MAT1A: variants seen among roughly 807,000 people sequenced by gnomAD.
MAT1A encodes S-adenosylmethionine synthase isoform type-1.
MAT1A carries 19 observed loss-of-function variants against 44.0 expected under a neutral mutation model. That is an observed-to-expected ratio of 0.43 (90% confidence interval 0.30 to 0.63). The LOEUF (loss-of-function observed/expected upper bound fraction) is 0.63, where lower values mean the gene tolerates loss of function less well. Among genes scored for constraint, MAT1A ranks in the 30% least tolerant of loss-of-function variants. The pLI, the probability that MAT1A is intolerant of heterozygous loss-of-function variation, is 0.12. For missense variants in MAT1A, 397 were observed against 531.0 expected (o/e 0.75, Z 2.48); for synonymous variants, 205 against 205.6 (o/e 1.00, Z 0.03).
chr10:80,273,398 A>G lies in MAT1A; in HGVS notation c.*383T>C. On this transcript the variant is annotated 3_prime_UTR_variant, in exon 9 of 9. Coordinates refer to ENST00000372213, the MANE Select transcript of MAT1A (RefSeq NM_000429.3). ...GAGCCCAGGCCCACAAGGAGCCCTG[A>G]GGCCTGTTGAGATGTGCTGACCTCA... is the stretch of plus-strand genomic sequence containing the variant. The G allele has an allele frequency of 3.4e-6, 1 of 297,570 alleles. No homozygotes were observed. The highest frequency in any genetic ancestry group is 3.3e-5 in the South Asian group (1 of 30,470). 18.4% of individuals were successfully genotyped at this position (297,570 alleles called of 1,614,324 possible).
intron 1 of MAT1A, among the ~76,000 whole-genome samples, chr10:80,288,446 C>A (rs926424663): frequency 6.1e-4 from 93 of 152,194 alleles, no homozygotes; most frequent in African/African-American, 2.2e-3. Context: ...GTTTGAGAAC[C>A]ACTGTCCTAC....
At chr10:80,275,947 T>G (rs1841479191) in intron 6 of MAT1A, among the ~76,000 whole-genome samples, 1 of 152,216 alleles carries the variant, frequency 6.6e-6, no homozygotes, top group Non-Finnish European at 1.5e-5. Flanking sequence ...TAAAACACCC[T>G]GTCCCACTCT....
chr10:80,287,306 C>T (rs1841661762), intron 1 of MAT1A, among the ~76,000 whole-genome samples: 1 of 152,184 alleles, frequency 6.6e-6, no homozygotes, highest in South Asian at 2.1e-4. Flanking sequence ...TTTGTTTTGG[C>T]TTTCAAAATT....
At chr10:80,281,561 CTG>C (rs558118672) in intron 3 of MAT1A, among the ~76,000 whole-genome samples, 78 of 152,154 alleles carry the variant, frequency 5.1e-4, no homozygotes, top group African/African-American at 1.9e-3. Flanking sequence ...GTCACAGGGA[CTG>C]TGAGAATAAG....
Position 80,289,319 on chromosome 10 carries a change from G to A in MAT1A, c.91+14C>T. ...AATGATCGTTTTCCAGTCAGTCCAA[G>A]ACAGCCTACTTACCCGGGTGTCCCT... On this transcript the variant is annotated intron_variant, in intron 1 of 8. Coordinates refer to ENST00000372213, the MANE Select transcript of MAT1A (RefSeq NM_000429.3). 2 of 1,610,480 alleles carry A rather than the reference G, an allele frequency of 1.2e-6. No homozygotes were observed. Among genetic ancestry groups the A allele is most frequent in the South Asian group, 1.1e-5 (1 of 91,006 alleles).
intron 1 of MAT1A, among the ~76,000 whole-genome samples, chr10:80,287,021 T>C (rs1841658873): frequency 1.3e-5 from 2 of 152,238 alleles, no homozygotes; most frequent in East Asian, 3.8e-4. Flanking sequence ...CCTTAGCCTC[T>C]ACACACTTCT....
In MAT1A at chr10:80,273,689, T is replaced by C. The variant is rs1388266216; in HGVS notation, c.*92A>G. On this transcript the variant is annotated 3_prime_UTR_variant, in exon 9 of 9. Coordinates refer to ENST00000372213, the MANE Select transcript of MAT1A (RefSeq NM_000429.3). ...TGGCTTTGCCCTGAGGGTTGGTGGGTGGGGAAGGCGATCAGCAGCCAGGCG... is the reference window on the plus strand; with the variant it reads ...TGGCTTTGCCCTGAGGGTTGGTGGGCGGGGAAGGCGATCAGCAGCCAGGCG... 9.9e-6 allele frequency: 9 copies of C among 912,602 alleles called. No individual in the cohort carries two copies. The Admixed American group carries it at 1.5e-4, about 15-fold the overall frequency. 56.5% of individuals were successfully genotyped at this position (912,602 alleles called of 1,614,324 possible).
rs1841556570 is a variant in MAT1A, at chr10:80,280,785, G to C, written c.300C>G (p.Asp100Glu). The C allele has an allele frequency of 6.2e-7, 1 of 1,613,868 alleles. No individual in the cohort carries two copies. The highest frequency in any genetic ancestry group is 1.3e-5 in the African/African-American group (1 of 75,038). Reference sequence around the variant, plus strand: ...CCACCAGCACGTTGCAAGTCTTGAAGTCAAAGCCTAGGCGGAAGCAAAGTG... The same window carrying C: ...CCACCAGCACGTTGCAAGTCTTGAACTCAAAGCCTAGGCGGAAGCAAAGTG... ...IGYDDSAKGF[D>E]FKTCNVLVAL... The change falls in exon 4 of 9, where the codon GAC becomes GAG. Residue 100 changes from aspartate (D) to glutamate (E), a missense_variant. Physicochemically the swap from Asp to Glu is conservative, Grantham distance 45. Coordinates refer to ENST00000372213, the MANE Select transcript of MAT1A (RefSeq NM_000429.3).
rs1288162894 is a variant in MAT1A at position 80,273,706 on chromosome 10, A to G, written c.*75T>C. 4 of 1,068,576 alleles carry G rather than the reference A, an allele frequency of 3.7e-6. No homozygotes were observed. The highest frequency in any genetic ancestry group is 4.4e-6 in the Non-Finnish European group (3 of 685,036). 66.2% of individuals were successfully genotyped at this position (1,068,576 alleles called of 1,614,324 possible). A position where few individuals can be genotyped will look rare whatever the true frequency, so the allele number is the denominator to read the frequency against. ...TTGGTGGGTGGGGAAGGCGATCAGC[A>G]GCCAGGCGTCTGGGGAAGAGGAGCA... On this transcript the variant is annotated 3_prime_UTR_variant, in exon 9 of 9. Coordinates refer to ENST00000372213, the MANE Select transcript of MAT1A (RefSeq NM_000429.3).
rs1841555750 is a variant in MAT1A, at chr10:80,280,732, G to C, written c.353C>G (p.Ala118Gly). Residue 118 changes from alanine (A) to glycine (G), a missense_variant, in exon 4 of 9, where the codon GCC becomes GGC. Transcript: ENST00000372213. ...ATTTCTGTCCAGATGGACGCACTGG[G>C]CAATATCTGGGGATTGCTGCTCCAA... ...VALEQQSPDI[A>G]QCVHLDRNEE... 1 of 1,614,044 alleles carries C rather than the reference G, an allele frequency of 6.2e-7. No homozygotes were observed. The highest frequency in any genetic ancestry group is 1.3e-5 in the African/African-American group (1 of 74,918).
intron 2 of MAT1A, among the ~76,000 whole-genome samples, chr10:80,284,402 C>T (rs1841614055): frequency 6.6e-6 from 1 of 152,118 alleles, no homozygotes; most frequent in Non-Finnish European, 1.5e-5. Flanking sequence ...ACACATGTGA[C>T]CCCCCATCCC....
In MAT1A at chr10:80,275,143, C is replaced by A. The variant is rs1841468995; in HGVS notation, c.825G>T (p.Gly275=). The A allele has an allele frequency of 6.2e-7, 1 of 1,613,070 alleles. No individual in the cohort carries two copies. Among genetic ancestry groups the A allele is most frequent in the Non-Finnish European group, 8.5e-7 (1 of 1,179,738 alleles). The stretch of plus-strand genomic sequence containing the variant: ...CAGAGAAGGCCCCACCACCATGAGC[C>A]CCCCAGCCGCCATAGGTGTCCACAA... ...KIIVDTYGGW[G]AHGGGAFSGK... is the part of the protein sequence containing the mutation. Residue 275 remains glycine (G), a synonymous_variant, in exon 7 of 9, where the codon GGG becomes GGT. Coordinates refer to ENST00000372213, the MANE Select transcript of MAT1A (RefSeq NM_000429.3).
At chr10:80,286,095 C>T (rs549557986) in intron 1 of MAT1A, among the ~76,000 whole-genome samples, 4 of 152,260 alleles carry the variant, frequency 2.6e-5, no homozygotes, top group African/African-American at 9.6e-5. Flanking sequence ...TCTGAAAGTG[C>T]TGGGATTACA....
intron 3 of MAT1A, among the ~76,000 whole-genome samples, chr10:80,282,462 T>C (rs1394593576): frequency 6.6e-6 from 1 of 152,208 alleles, no homozygotes; most frequent in Non-Finnish European, 1.5e-5. Context: ...CTAGGGAACA[T>C]TGCCTCCTGG....
chr10:80,273,981 C>T (rs1405437965), intron 8 of MAT1A, 98 bp from the exon 9 acceptor site: 17 of 862,000 alleles, frequency 2.0e-5, no homozygotes, highest in Middle Eastern at 5.3e-4. Flanking sequence ...AACTGTAACA[C>T]AGCCCTCCTC....
intron 3 of MAT1A, among the ~76,000 whole-genome samples, chr10:80,283,491 TCA>T (rs1006330581): frequency 6.6e-6 from 1 of 152,252 alleles, no homozygotes; most frequent in African/African-American, 2.4e-5. Context: ...CCCTGTGATC[TCA>T]CACAGACTGT....
chr10:80,286,096 T>C (rs1366846862), intron 1 of MAT1A, among the ~76,000 whole-genome samples: 7 of 152,198 alleles, frequency 4.6e-5, no homozygotes, highest in Admixed American at 2.6e-4. Flanking sequence ...CTGAAAGTGC[T>C]GGGATTACAG....
intron 1 of MAT1A, among the ~76,000 whole-genome samples, chr10:80,286,900 A>C (rs936932776): frequency 6.6e-6 from 1 of 152,178 alleles, no homozygotes; most frequent in African/African-American, 2.4e-5. Flanking sequence ...TTTCCTTTAG[A>C]AACTACTGCT....
At position 80,275,008 on chromosome 10, in the gene MAT1A, G is replaced by A; in HGVS notation, c.951+9C>T. On this transcript the variant is annotated intron_variant, in intron 7 of 8. Coordinates refer to ENST00000372213, the MANE Select transcript of MAT1A (RefSeq NM_000429.3). ...TGCAACAGGACGGTGGTGGGTGGAG[G>A]GGGCTTACCTGGACAAGCACTCTCC... 6.4e-7 allele frequency: 1 copy of A among 1,550,484 alleles called. No individual in the cohort carries two copies. The highest frequency in any genetic ancestry group is 2.4e-5 in the East Asian group (1 of 41,010).
Sources: gnomAD v4.1 joint callset for allele counts (sites outside exome capture counted in the v4.1 genomes callset) on GRCh38, gnomAD v4.1.1 for gene constraint, MANE v1.5 for transcripts, NCBI Gene and HGNC (gene_info 2026-07-23, HGNC 2026-07-21) for gene names.